The following RALGPS2 variants were observed in gnomAD, a reference collection of about 807,000 sequenced individuals.
RALGPS2 encodes the protein ras-specific guanine nucleotide-releasing factor RalGPS2.
A neutral mutation model predicts 86.8 loss-of-function variants in RALGPS2; 43 were observed. The ratio of observed to expected loss-of-function variants is 0.50; its 90% confidence interval spans 0.39 to 0.64. The LOEUF is 0.64. RALGPS2 is among the 30% of genes least tolerant of loss of function. RALGPS2 has a pLI of 0.00. For synonymous variants in RALGPS2, 243 were observed against 231.3 expected (o/e 1.05, Z -0.46); for missense variants, 536 against 694.6 (o/e 0.77, Z 2.57).
chr1:178,768,225 G>A (rs1652609889), intron 1 of RALGPS2, among the ~76,000 whole-genome samples: 1 of 152,172 alleles, frequency 6.6e-6, no homozygotes, highest in Non-Finnish European at 1.5e-5. Flanking sequence ...GAGAGCTTGT[G>A]TGATCCTTTG....
chr1:178,839,707 C>A (rs12239368), intron 8 of RALGPS2, among the ~76,000 whole-genome samples: 3,736 of 152,274 alleles, frequency 0.025, 149 homozygotes, highest in African/African-American at 0.085. Context: ...TTAAAAGACA[C>A]AGACTGGCAA....
intron 8 of RALGPS2, among the ~76,000 whole-genome samples, chr1:178,837,913 A>T (rs1467812194): frequency 6.6e-6 from 1 of 152,240 alleles, no homozygotes; most frequent in South Asian, 2.1e-4. Flanking sequence ...TGCCACGCCC[A>T]CAGAGCCTTG....
chr1:178,755,438 A>G (rs1000957844), intron 1 of RALGPS2, among the ~76,000 whole-genome samples: 1 of 152,110 alleles, frequency 6.6e-6, no homozygotes, highest in African/African-American at 2.4e-5. Context: ...ACATGGCAGT[A>G]TTTGGTTTTC....
intron 4 of RALGPS2, among the ~76,000 whole-genome samples, chr1:178,793,133 G>T (rs116866741): frequency 1.3e-5 from 2 of 152,008 alleles, no homozygotes; most frequent in African/African-American, 2.4e-5. Flanking sequence ...ATTTTTTAGC[G>T]GCCAAACCAT....
intron 1 of RALGPS2, among the ~76,000 whole-genome samples, chr1:178,754,823 G>A (rs755373056): frequency 3.7e-4 from 57 of 152,304 alleles, no homozygotes; most frequent in Admixed American, 7.2e-4. Flanking sequence ...GTTTTGAGAC[G>A]AAGTCTCACT....
intron 1 of RALGPS2, among the ~76,000 whole-genome samples, chr1:178,736,193 T>TCC (rs1292703677): frequency 6.7e-6 from 1 of 149,294 alleles, no homozygotes; most frequent in African/African-American, 2.5e-5. Flanking sequence ...TGAGACAGAG[T>TCC]CTCACTGTGT....
At chr1:178,834,711 A>G (rs1168445888) in intron 8 of RALGPS2, among the ~76,000 whole-genome samples, 1 of 152,218 alleles carries the variant, frequency 6.6e-6, no homozygotes, top group Non-Finnish European at 1.5e-5. Flanking sequence ...TCTAAGCTGG[A>G]TATTAGGAGA....
At chr1:178,857,103 C>T (rs1043306625) in intron 8 of RALGPS2, among the ~76,000 whole-genome samples, 3 of 152,090 alleles carry the variant, frequency 2.0e-5, no homozygotes, top group Non-Finnish European at 4.4e-5. Flanking sequence ...ATGAAATTTA[C>T]AGAATTTTAA....
intron 17 of RALGPS2, among the ~76,000 whole-genome samples, chr1:178,901,676 A>G (rs1660179613): frequency 6.6e-6 from 1 of 150,898 alleles, no homozygotes; most frequent in African/African-American, 2.4e-5. Flanking sequence ...CAACAGAGTG[A>G]GACTGTCTCA....
chr1:178,881,491 C>T (rs1193861101), intron 10 of RALGPS2, among the ~76,000 whole-genome samples: 1 of 152,092 alleles, frequency 6.6e-6, no homozygotes, highest in African/African-American at 2.4e-5. Context: ...ACTCTGTTTC[C>T]CAGTTTGGAG....
chr1:178,864,985 G>A (rs768565637), intron 8 of RALGPS2: 1 of 1,468,942 alleles, frequency 6.8e-7, no homozygotes, highest in South Asian at 1.6e-5. Flanking sequence ...GTGGTATCTT[G>A]AAAGGGCTTT....
intron 4 of RALGPS2, among the ~76,000 whole-genome samples, chr1:178,798,059 T>C (rs1654289745): frequency 6.6e-6 from 1 of 151,502 alleles, no homozygotes; most frequent in Non-Finnish European, 1.5e-5. Flanking sequence ...GGCGTGAATG[T>C]ATAAAATATA....
intron 4 of RALGPS2, among the ~76,000 whole-genome samples, chr1:178,807,575 G>A (rs1194108457): frequency 1.3e-5 from 2 of 152,068 alleles, no homozygotes; most frequent in Admixed American, 1.3e-4. Flanking sequence ...CAAGTTTGTG[G>A]GCATTTTGTA....
intron 8 of RALGPS2, chr1:178,853,649 A>G (rs1657333136): frequency 1.2e-6 from 2 of 1,611,694 alleles, no homozygotes; most frequent in Non-Finnish European, 1.7e-6. Flanking sequence ...TCTTTTCTGA[A>G]TAACAGTCCA....
intron 8 of RALGPS2, among the ~76,000 whole-genome samples, chr1:178,854,840 A>G (rs1271401074): frequency 6.6e-6 from 1 of 152,148 alleles, no homozygotes; most frequent in Non-Finnish European, 1.5e-5. Flanking sequence ...ACAAGTGACA[A>G]CACATTTTGT....
At chr1:178,881,841 T>G (rs1336049397) in intron 10 of RALGPS2, among the ~76,000 whole-genome samples, 1 of 152,180 alleles carries the variant, frequency 6.6e-6, no homozygotes, top group Non-Finnish European at 1.5e-5. Context: ...GTCATTAAAA[T>G]TATTAGAAAA....
intron 6 of RALGPS2, among the ~76,000 whole-genome samples, chr1:178,819,636 C>G (rs1339509906): frequency 2.0e-5 from 3 of 152,088 alleles, no homozygotes; most frequent in African/African-American, 7.2e-5. Context: ...GTTTTAGGGC[C>G]CTAAGTATTC....
chr1:178,802,201 ATATAT>A (rs66586694), intron 4 of RALGPS2, among the ~76,000 whole-genome samples: 6,638 of 152,080 alleles, frequency 0.044, 213 homozygotes, highest in Non-Finnish European at 0.061. Context: ...ATATTATATA[ATATAT>A]TCTTAAAGTA....
chr1:178,725,643 C>T (rs1167077012), intron 1 of RALGPS2: 1 of 151,800 alleles, frequency 6.6e-6, no homozygotes. Flanking sequence ...CCCTCGGCCG[C>T]GGGTTCTCAG....
Sources: allele counts gnomAD v4.1 joint callset (sites outside exome capture counted in the v4.1 genomes callset), GRCh38; gene constraint gnomAD v4.1.1; transcripts MANE v1.5; gene names NCBI Gene and HGNC (gene_info 2026-07-23, HGNC 2026-07-21).